UGT2B11: variants seen among roughly 807,000 people sequenced by gnomAD.
UGT2B11 encodes UDP-glucuronosyltransferase 2B11.
UGT2B11 carries 49 observed loss-of-function variants against 51.7 expected under a neutral mutation model. The observed-to-expected ratio is 0.95, with a 90% confidence interval of 0.75 to 1.20. The LOEUF (loss-of-function observed/expected upper bound fraction) is 1.20. Ranked by LOEUF, UGT2B11 falls within the 50% of genes most tolerant of loss-of-function variation. The pLI, the probability that UGT2B11 is intolerant of heterozygous loss-of-function variation, is 0.00. For missense variants in UGT2B11, 810 were observed against 622.1 expected (o/e 1.30, Z -3.21); for synonymous variants, 273 against 209.0 (o/e 1.31, Z -2.64).
chr4:69,200,970 A>G (rs915894472), intron 5 of UGT2B11, among the ~76,000 whole-genome samples: 3 of 151,866 alleles, frequency 2.0e-5, no homozygotes, highest in Non-Finnish European at 4.4e-5. Flanking sequence ...CAAGCAGAGA[A>G]AATATAAGGC....
chr4:69,221,931 A>G, the UGT2B11 span, among the ~76,000 whole-genome samples: 3 of 152,240 alleles, frequency 2.0e-5, no homozygotes, highest in Admixed American at 1.3e-4. Flanking sequence ...CAGTGCACCA[A>G]TTGCACATGG....
At chr4:69,209,598 A>G (rs1721982987) in intron 2 of UGT2B11, among the ~76,000 whole-genome samples, 1 of 151,756 alleles carries the variant, frequency 6.6e-6, no homozygotes, top group South Asian at 2.1e-4. Context: ...CTAAATGTAA[A>G]CAGTGCATCA....
At chr4:69,205,861 C>T (rs1173257603) in intron 3 of UGT2B11, among the ~76,000 whole-genome samples, 2 of 151,528 alleles carry the variant, frequency 1.3e-5, no homozygotes, top group Non-Finnish European at 3.0e-5. Flanking sequence ...TGCAGTCAAC[C>T]ATCATATGAA....
intron 2 of UGT2B11, among the ~76,000 whole-genome samples, chr4:69,212,244 CACTT>C (rs1453721634): frequency 4.0e-5 from 6 of 151,626 alleles, no homozygotes; most frequent in African/African-American, 1.4e-4. Flanking sequence ...GAAATTTCTG[CACTT>C]ACTTGTGTTT....
At chr4:69,219,131 C>A (rs1577970030), upstream of UGT2B11, among the ~76,000 whole-genome samples, 1 of 152,024 alleles carries the variant, frequency 6.6e-6, no homozygotes, top group Non-Finnish European at 1.5e-5. Flanking sequence ...CTCCAAAGAT[C>A]TGTTCAAATT....
At chr4:69,209,310 C>T (rs1166148563) in intron 2 of UGT2B11, among the ~76,000 whole-genome samples, 1 of 151,698 alleles carries the variant, frequency 6.6e-6, no homozygotes, top group African/African-American at 2.4e-5. Flanking sequence ...ATGTGAGGAA[C>T]TCTCATCATC....
At chr4:69,213,970 A>T (rs1722167163) in intron 1 of UGT2B11, 32 bp downstream of exon 1, 2 of 1,526,822 alleles carry the variant, frequency 1.3e-6, no homozygotes, top group East Asian at 2.3e-5. Context: ...AATAAGTTAG[A>T]TCTTCACGTT....
Position 69,208,273 on chromosome 4 carries a change from A to G in UGT2B11, c.1002+78T>C, listed in dbSNP as rs537573007. On this transcript the variant is annotated intron_variant, in intron 3 of 5. Coordinates refer to ENST00000446444, the MANE Select transcript of UGT2B11 (RefSeq NM_001073.3). ...ATGTAAAGAGTTCACTCTACTCTTA[A>G]TATTCTTTCTATGTAGATCACAAAC... 8.8e-6 allele frequency: 14 copies of G among 1,590,230 alleles called. No homozygotes were observed. The Admixed American group carries it at 2.7e-4, about 30-fold the overall frequency.
At chr4:69,204,219 T>C (rs1193444599) in intron 5 of UGT2B11, 5 of 547,860 alleles carry the variant, frequency 9.1e-6, no homozygotes, top group Non-Finnish European at 1.5e-5. Context: ...GTTTAGAAAA[T>C]TGCTTCACTA....
chr4:69,223,537 T>C, the UGT2B11 span, among the ~76,000 whole-genome samples: 15 of 152,192 alleles, frequency 9.9e-5, no homozygotes, highest in Non-Finnish European at 2.2e-4. Flanking sequence ...CTTCTGCCAA[T>C]GCATCCTACC....
the UGT2B11 span, among the ~76,000 whole-genome samples, chr4:69,222,427 C>T: frequency 1.3e-5 from 2 of 152,128 alleles, no homozygotes; most frequent in Non-Finnish European, 2.9e-5. Context: ...CTTCCTCAAC[C>T]CATCTAAAAT....
the UGT2B11 span, among the ~76,000 whole-genome samples, chr4:69,223,987 T>A: frequency 4.6e-5 from 7 of 152,164 alleles, no homozygotes; most frequent in Non-Finnish European, 7.3e-5. Context: ...ATCCATATGA[T>A]AATTACAGAC....
intron 3 of UGT2B11, among the ~76,000 whole-genome samples, chr4:69,206,836 T>C (rs1479421910): frequency 6.6e-6 from 1 of 151,634 alleles, no homozygotes; most frequent in Admixed American, 6.6e-5. Context: ...ATATGAGAAG[T>C]AGTTTAAATG....
intron 2 of UGT2B11, among the ~76,000 whole-genome samples, 184 bp from the exon 3 acceptor site, chr4:69,208,666 T>A (rs1377771552): frequency 1.3e-5 from 2 of 151,722 alleles, no homozygotes; most frequent in East Asian, 3.9e-4. Flanking sequence ...TTGGCCTCTG[T>A]TAAGGATATT....
At chr4:69,213,171 C>G (rs1282865274) in intron 1 of UGT2B11, among the ~76,000 whole-genome samples, 1 of 150,974 alleles carries the variant, frequency 6.6e-6, no homozygotes, top group East Asian at 1.9e-4. Context: ...CAAGTGAACT[C>G]TGTACTATTT....
At chr4:69,219,637 T>C (rs1722361863), upstream of UGT2B11, among the ~76,000 whole-genome samples, 1 of 152,126 alleles carries the variant, frequency 6.6e-6, no homozygotes, top group Non-Finnish European at 1.5e-5. Context: ...TGAGAAGCAA[T>C]GTTATGTAAT....
chr4:69,208,025 G>A (rs544211920), intron 3 of UGT2B11, among the ~76,000 whole-genome samples: 7 of 151,710 alleles, frequency 4.6e-5, no homozygotes, highest in East Asian at 2.0e-4. Context: ...AATTTCAGCA[G>A]TATGTATGAC....
In UGT2B11 at chr4:69,202,760, T is replaced by A. The variant is rs183835283; in HGVS notation, c.1310+1670A>T. On this transcript the variant is annotated intron_variant, in intron 5 of 5. Transcript: ENST00000446444. Reference sequence around the variant, plus strand: ...ATCACATTTAAATCTACCACATTGTTTTATGTTTCTTTTCTATTTGTCCAA... The same window carrying A: ...ATCACATTTAAATCTACCACATTGTATTATGTTTCTTTTCTATTTGTCCAA... Among the ~76,000 whole-genome samples, 713 of 151,854 alleles carry A rather than the reference T, an allele frequency of 4.7e-3. 4 individuals are homozygous for A. Among genetic ancestry groups the A allele is most frequent in the Non-Finnish European group, 8.3e-3 (560 of 67,768 alleles).
In UGT2B11 at chr4:69,208,357, T is replaced by C. The variant is rs1721934298; in HGVS notation, c.996A>G (p.Pro332=). The change falls in exon 3 of 6, where the codon CCA becomes CCG. Residue 332 remains proline, a synonymous_variant. Coordinates refer to ENST00000446444, the MANE Select transcript of UGT2B11 (RefSeq NM_001073.3). The part of the protein sequence containing the change: ...NVIATALAKI[P]QKVLWRFDGN... ...GTAAGGCCCTTTATCTTACCTTTTGTGGGATCTTGGCAAGGGCTGTTGCAA... is the reference window on the plus strand; with the variant it reads ...GTAAGGCCCTTTATCTTACCTTTTGCGGGATCTTGGCAAGGGCTGTTGCAA... 1 of 1,610,982 alleles carries C rather than the reference T, an allele frequency of 6.2e-7. No individual in the cohort carries two copies. The highest frequency in any genetic ancestry group is 1.3e-5 in the African/African-American group (1 of 74,764).
Sources: gnomAD v4.1 joint callset for allele counts (sites outside exome capture counted in the v4.1 genomes callset) on GRCh38, gnomAD v4.1.1 for gene constraint, MANE v1.5 for transcripts, NCBI Gene and HGNC (gene_info 2026-07-23, HGNC 2026-07-21) for gene names.